Variants in CSTPP1 observed in about 807,000 individuals in gnomAD.
The protein encoded by CSTPP1 is centriolar satellite-associated tubulin polyglutamylase complex regulator 1, also known as UPF0705 protein C11orf49.
At chr11:47,160,659 T>C in the CSTPP1 span, 1 of 155,952 alleles carries the variant, frequency 6.4e-6, no homozygotes, top group Non-Finnish European at 1.4e-5. Context: ...CTCTTGCCCC[T>C]GGGATCCTCC....
chr11:47,164,356 T>C, the CSTPP1 span: 18 of 1,248,938 alleles, frequency 1.4e-5, no homozygotes, highest in Non-Finnish European at 2.0e-5. Flanking sequence ...TGACACCACT[T>C]TGTTTCAATA....
chr11:47,160,885 T>C, the CSTPP1 span: 4 of 549,988 alleles, frequency 7.3e-6, no homozygotes, highest in South Asian at 2.0e-5. Context: ...CCACACTCCT[T>C]GGCTGTGGTG....
the CSTPP1 span, among the ~76,000 whole-genome samples, chr11:47,077,705 A>G: frequency 1.3e-5 from 2 of 152,218 alleles, no homozygotes; most frequent in Non-Finnish European, 2.9e-5. Flanking sequence ...GTTGCAGGAC[A>G]ACAGTTTGTG....
the CSTPP1 span, chr11:47,164,213 A>G: frequency 6.2e-7 from 1 of 1,613,914 alleles, no homozygotes; most frequent in Middle Eastern, 1.7e-4. Context: ...CAGCTTCGGT[A>G]CCGACGCCCT....
chr11:47,038,586 T>C, the CSTPP1 span, among the ~76,000 whole-genome samples: 81 of 69,310 alleles, frequency 1.2e-3, 2 homozygotes, highest in Middle Eastern at 0.014. Context: ...GGGGGGCTGA[T>C]CCCCCCACCT....
At chr11:47,059,480 G>A in the CSTPP1 span, among the ~76,000 whole-genome samples, 9 of 152,222 alleles carry the variant, frequency 5.9e-5, no homozygotes, top group African/African-American at 1.4e-4. Flanking sequence ...CTATAGAAGC[G>A]GGTGAAGGCT....
At chr11:47,073,961 C>T in the CSTPP1 span, among the ~76,000 whole-genome samples, 3 of 152,270 alleles carry the variant, frequency 2.0e-5, no homozygotes, top group Non-Finnish European at 4.4e-5. Flanking sequence ...TGTGCACAAG[C>T]TTGTTCTCAA....
the CSTPP1 span, among the ~76,000 whole-genome samples, chr11:47,082,689 C>T: frequency 5.9e-4 from 90 of 152,066 alleles, no homozygotes; most frequent in Non-Finnish European, 1.2e-3. Context: ...AAGAAAAATA[C>T]CCCGTACACA....
chr11:47,108,181 G>T, the CSTPP1 span, among the ~76,000 whole-genome samples: 2 of 152,194 alleles, frequency 1.3e-5, no homozygotes, highest in African/African-American at 4.8e-5. Context: ...ACCACAACTA[G>T]AGGCCAGAAA....
the CSTPP1 span, among the ~76,000 whole-genome samples, chr11:47,122,091 A>AAAAAAAAAAAATATATAT: frequency 9.4e-5 from 3 of 31,836 alleles, no homozygotes; most frequent in Non-Finnish European, 1.9e-4. Flanking sequence ...AAAAAAAAAA[A>AAAAAAAAAAAATATATAT]ATATATATAT....
At chr11:47,125,964 C>T in the CSTPP1 span, among the ~76,000 whole-genome samples, 1 of 151,154 alleles carries the variant, frequency 6.6e-6, no homozygotes, top group East Asian at 1.9e-4. Context: ...TTGTAGTGAG[C>T]TAAGATTGTA....
At chr11:47,139,965 C>T in the CSTPP1 span, among the ~76,000 whole-genome samples, 2 of 152,150 alleles carry the variant, frequency 1.3e-5, no homozygotes, top group Non-Finnish European at 2.9e-5. Flanking sequence ...GGCTGCACTG[C>T]ACCAAGAATC....
chr11:47,133,883 A>G, the CSTPP1 span, among the ~76,000 whole-genome samples: 3 of 152,180 alleles, frequency 2.0e-5, no homozygotes, highest in Non-Finnish European at 4.4e-5. Flanking sequence ...CGTGAAGATT[A>G]GTGAGGTGAC....
At chr11:47,161,063 G>T in the CSTPP1 span, 2 of 1,600,898 alleles carry the variant, frequency 1.2e-6, no homozygotes, top group Non-Finnish European at 1.7e-6. Context: ...GAGGGGCATG[G>T]AGGAATCTGT....
the CSTPP1 span, among the ~76,000 whole-genome samples, chr11:47,117,399 A>G: frequency 6.6e-6 from 1 of 152,200 alleles, no homozygotes; most frequent in African/African-American, 2.4e-5. Flanking sequence ...TATGAAGTTT[A>G]GTTTGGCTGG....
chr11:47,164,339 T>C, the CSTPP1 span: 1 of 1,380,792 alleles, frequency 7.2e-7, no homozygotes, highest in Non-Finnish European at 9.7e-7. Context: ...CTGCAGGGGC[T>C]TTATTTTGAC....
the CSTPP1 span, among the ~76,000 whole-genome samples, chr11:47,037,458 A>T: frequency 8.5e-6 from 1 of 117,434 alleles, no homozygotes; most frequent in African/African-American, 2.6e-5. Context: ...GGGTCACAGG[A>T]CAATAGTGGA....
chr11:47,138,979 CAAAAAAAAAAAAAA>C, the CSTPP1 span, among the ~76,000 whole-genome samples: 34 of 40,900 alleles, frequency 8.3e-4, no homozygotes, highest in African/African-American at 2.1e-3. Context: ...GACTCCGTCT[CAAAAAAAAAAAAAA>C]AAAAAAAAAA....
the CSTPP1 span, among the ~76,000 whole-genome samples, chr11:47,116,424 T>C: frequency 6.6e-6 from 1 of 152,130 alleles, no homozygotes; most frequent in South Asian, 2.1e-4. Context: ...GGTGTTAAAG[T>C]CTCCCATTAT....
Sources: gnomAD v4.1 joint callset for allele counts (sites outside exome capture counted in the v4.1 genomes callset) on GRCh38, gnomAD v4.1.1 for gene constraint, MANE v1.5 for transcripts, NCBI Gene and HGNC (gene_info 2026-07-23, HGNC 2026-07-21) for gene names.